The following ARHGEF11 variants were observed in gnomAD, a reference collection of about 807,000 sequenced individuals.
The protein encoded by ARHGEF11 is Rho guanine exchange factor (GEF) 11.
A neutral mutation model predicts 193.7 loss-of-function variants in ARHGEF11; 55 were observed. That is an observed-to-expected ratio of 0.28 (90% confidence interval 0.23 to 0.36). The LOEUF (loss-of-function observed/expected upper bound fraction) is 0.36, where lower values mean the gene tolerates loss of function less well. ARHGEF11 is among the 10% of genes least tolerant of loss of function. The pLI is 1.00. For missense variants in ARHGEF11, 1,723 were observed against 2,005.6 expected (o/e 0.86, Z 2.69); for synonymous variants, 693 against 768.0 (o/e 0.90, Z 1.62).
chr1:156,957,885 G>A (rs1660197181), intron 17 of ARHGEF11, 70 bp from the exon 18 acceptor site: 2 of 1,529,790 alleles, frequency 1.3e-6, no homozygotes, highest in Non-Finnish European at 1.8e-6. Context: ...TAGAGGCTAG[G>A]AGGAGGGTAA....
chr1:156,957,881 C>A, intron 17 of ARHGEF11, 66 bp from the exon 18 acceptor site: 1 of 1,551,264 alleles, frequency 6.4e-7, no homozygotes, highest in Non-Finnish European at 8.9e-7. Flanking sequence ...TGGTTAGAGG[C>A]TAGGAGGAGG....
chr1:156,978,812 A>G (rs1171778103), intron 5 of ARHGEF11, among the ~76,000 whole-genome samples: 1 of 152,228 alleles, frequency 6.6e-6, no homozygotes, highest in Non-Finnish European at 1.5e-5. Flanking sequence ...TTCTATTTGA[A>G]TATTTGTGCA....
chr1:156,957,846 A>T, intron 17 of ARHGEF11, 31 bp from the exon 18 acceptor site: 1 of 1,613,280 alleles, frequency 6.2e-7, no homozygotes, highest in Non-Finnish European at 8.5e-7. Context: ...GATGACTCAG[A>T]CTGCAAAGAC....
chr1:156,975,785 T>C (rs1267126745), intron 7 of ARHGEF11, among the ~76,000 whole-genome samples: 3 of 152,248 alleles, frequency 2.0e-5, no homozygotes, highest in Admixed American at 1.3e-4. Context: ...TGTATGTAGA[T>C]ATCCAGTTGT....
chr1:157,024,553 A>C, intron 1 of ARHGEF11, among the ~76,000 whole-genome samples: 1 of 152,254 alleles, frequency 6.6e-6, no homozygotes, highest in African/African-American at 2.4e-5. Context: ...AGTAGCAATT[A>C]AATCAGCCAA....
chr1:156,963,956 ACTTAATAGAG>A (rs1238391053), intron 11 of ARHGEF11, among the ~76,000 whole-genome samples: 7 of 152,180 alleles, frequency 4.6e-5, no homozygotes, highest in African/African-American at 1.7e-4. Flanking sequence ...GGGCTGTTTT[ACTTAATAGAG>A]TAAACAGCCA....
At chr1:156,950,611 G>C (rs1166872190) in intron 22 of ARHGEF11, among the ~76,000 whole-genome samples, 1 of 152,126 alleles carries the variant, frequency 6.6e-6, no homozygotes, top group African/African-American at 2.4e-5. Context: ...CTGCAATCCA[G>C]CCTGGGTGAC....
chr1:157,034,466 C>G (rs1181746887), intron 1 of ARHGEF11, among the ~76,000 whole-genome samples: 1 of 152,196 alleles, frequency 6.6e-6, no homozygotes. Context: ...CTGCTCTGTC[C>G]CTGCAAGAAA....
intron 36 of ARHGEF11, 92 bp from the exon 37 acceptor site, chr1:156,940,002 G>T: frequency 6.4e-7 from 1 of 1,550,732 alleles, no homozygotes; most frequent in Non-Finnish European, 8.6e-7. Context: ...CCAAGGTGGT[G>T]ACCTCAGGCA....
intron 1 of ARHGEF11, among the ~76,000 whole-genome samples, chr1:156,996,587 C>G (rs1050379655): frequency 6.6e-6 from 1 of 151,754 alleles, no homozygotes; most frequent in Admixed American, 6.6e-5. Flanking sequence ...TCCTGGCTAA[C>G]ACGGTGAAAC....
At position 157,044,892 on chromosome 1, in the gene ARHGEF11, A is replaced by T. The variant is rs748395895; in HGVS notation, c.-562T>A. ...AAAGGATTAATAAATCCGAAATGGC[A>T]CTTGGAAAAATTCTTTCGGCTGATT... On this transcript the variant is annotated 5_prime_UTR_variant, in exon 1 of 41. Coordinates refer to ENST00000368194, the MANE Select transcript of ARHGEF11 (RefSeq NM_198236.3). 2.4e-4 allele frequency: 43 copies of T among 176,758 alleles called. No homozygotes were observed. Among genetic ancestry groups the T allele is most frequent in the Non-Finnish European group, 4.4e-4 (37 of 84,958 alleles). 10.9% of individuals were successfully genotyped at this position (176,758 alleles called of 1,614,324 possible).
chr1:156,954,380 CAAAAAAAAAAAAAAAAAAAAAAAA>C (rs559848711), intron 21 of ARHGEF11, among the ~76,000 whole-genome samples: 3 of 75,160 alleles, frequency 4.0e-5, no homozygotes, highest in Admixed American at 1.6e-4. Context: ...ACTGTGTCTC[CAAAAAAAAAAAAAAAAAAAAAAAA>C]AAAAAAAAAA....
intron 1 of ARHGEF11, among the ~76,000 whole-genome samples, chr1:157,011,283 T>G (rs1016096780): frequency 6.6e-5 from 10 of 152,160 alleles, no homozygotes; most frequent in African/African-American, 2.2e-4. Flanking sequence ...GATATCCACA[T>G]GCAAAATAAT....
intron 1 of ARHGEF11, among the ~76,000 whole-genome samples, chr1:156,988,099 C>T (rs1665191925): frequency 6.6e-6 from 1 of 152,198 alleles, no homozygotes; most frequent in African/African-American, 2.4e-5. Flanking sequence ...ATGCCTGATG[C>T]CCGGGGAAGT....
chr1:157,014,473 C>T (rs1013769836), intron 1 of ARHGEF11, among the ~76,000 whole-genome samples: 1 of 151,944 alleles, frequency 6.6e-6, no homozygotes, highest in Non-Finnish European at 1.5e-5. Flanking sequence ...AGTGGTGCCA[C>T]TGTAGCTTAC....
At chr1:156,947,200 G>C (rs1316211300) in intron 26 of ARHGEF11, 104 bp downstream of exon 26, 1 of 1,505,472 alleles carries the variant, frequency 6.6e-7, no homozygotes, top group Non-Finnish European at 9.0e-7. Context: ...ACCAGGGATT[G>C]GTGGGAGGTT....
chr1:156,994,153 T>C (rs1207113076), intron 1 of ARHGEF11, among the ~76,000 whole-genome samples: 1 of 152,222 alleles, frequency 6.6e-6, no homozygotes, highest in Admixed American at 6.5e-5. Flanking sequence ...CATCTGTTAG[T>C]CTGTCATCTC....
intron 37 of ARHGEF11, 121 bp from the exon 38 acceptor site, chr1:156,938,634 A>G: frequency 1.3e-6 from 1 of 791,470 alleles, no homozygotes; most frequent in Non-Finnish European, 2.1e-6. Flanking sequence ...AAATGGGAAG[A>G]ACAAGGTGAA....
rs776391375 is a variant in ARHGEF11, at chr1:156,968,073, G to T, written c.877C>A (p.Arg293=). Residue 293 remains arginine (R), a synonymous_variant, in exon 11 of 41, where the codon CGA becomes AGA. Coordinates refer to ENST00000368194, the MANE Select transcript of ARHGEF11 (RefSeq NM_198236.3). ...CTGGCCATGATCACAGGGGAGGTTC[G>T]AGGACTGTCTAGCCCAGGGTCTGAC... ...VLSDPGLDSP[R]TSPVIMARVA... 10 of 1,614,218 alleles carry T rather than the reference G, an allele frequency of 6.2e-6. No individual in the cohort carries two copies. Among genetic ancestry groups the T allele is most frequent in the Non-Finnish European group, 7.6e-6 (9 of 1,180,024 alleles).
Sources: gnomAD v4.1 joint callset for allele counts (sites outside exome capture counted in the v4.1 genomes callset) on GRCh38, gnomAD v4.1.1 for gene constraint, MANE v1.5 for transcripts, NCBI Gene and HGNC (gene_info 2026-07-23, HGNC 2026-07-21) for gene names.